The following ARMC7 variants were observed in gnomAD, a reference collection of about 807,000 sequenced individuals.
The protein encoded by ARMC7 is armadillo repeat containing 7, also known as armadillo repeat-containing protein 7.
A neutral mutation model predicts 14.8 loss-of-function variants in ARMC7; 9 were observed. The observed-to-expected ratio is 0.61, with a 90% CI of 0.37 to 1.06. The LOEUF (loss-of-function observed/expected upper bound fraction) is 1.06. Among genes scored for constraint, ARMC7 ranks in the 50% least tolerant of loss-of-function variants. The probability of loss-of-function intolerance (pLI) is 0.01; values close to 1 mark genes in which losing one functional copy is unlikely to be tolerated. For synonymous variants in ARMC7, 125 were observed against 123.4 expected (o/e 1.01, Z -0.09); for missense variants, 262 against 267.1 (o/e 0.98, Z 0.13).
Position 75,110,220 on chromosome 17 carries a change from C to A in ARMC7, c.-69C>A. 7.0e-7 allele frequency: 1 copy of A among 1,438,430 alleles called. No homozygotes were observed. Among genetic ancestry groups the A allele is most frequent in the South Asian group, 1.3e-5 (1 of 74,114 alleles). The allele number at this position is 1,438,430 out of a possible 1,614,324, so 89.1% of individuals were successfully genotyped here. A position where few individuals can be genotyped will look rare whatever the true frequency, so the allele number is the denominator to read the frequency against. On this transcript the variant is annotated 5_prime_UTR_variant, in exon 1 of 3. Coordinates refer to ENST00000245543, the MANE Select transcript of ARMC7 (RefSeq NM_024585.4). Reference sequence around the variant, plus strand: ...ACAGGTGGAGAGCGGGTGAGGGTCTCGCTCGGCTTTCCCCCTGCACCTTTC... The same window carrying A: ...ACAGGTGGAGAGCGGGTGAGGGTCTAGCTCGGCTTTCCCCCTGCACCTTTC...
chr17:75,129,005 A>G lies in ARMC7; in HGVS notation c.564A>G (p.Pro188=). ...SRQAHSALGI[P]LPRSVAPRQR is the part of the protein sequence containing the mutation. ...AGGCGCACTCTGCCCTGGGTATCCC[A>G]CTGCCGAGGAGCGTGGCCCCACGGC... The change falls in exon 3 of 3, where the codon CCA becomes CCG. Residue 188 remains proline (P), a synonymous_variant. Transcript: ENST00000245543. The G allele has an allele frequency of 6.3e-7, 1 of 1,599,628 alleles. No homozygotes were observed.
In ARMC7 at chr17:75,129,237, A is replaced by T; in HGVS notation, c.*199A>T. On this transcript the variant is annotated 3_prime_UTR_variant, in exon 3 of 3. Coordinates refer to ENST00000245543, the MANE Select transcript of ARMC7 (RefSeq NM_024585.4). The stretch of plus-strand genomic sequence containing the variant: ...AAGCCAGACTCCAGAGACACGGAGA[A>T]GATCAAACTGGAGCTGCGTTCATAG... 2.7e-6 allele frequency: 2 copies of T among 745,860 alleles called. No individual in the cohort carries two copies. Among genetic ancestry groups the T allele is most frequent in the Non-Finnish European group, 4.2e-6 (2 of 477,262 alleles). The allele number at this position is 745,860 out of a possible 1,614,324, so 46.2% of individuals were successfully genotyped here.
intron 2 of ARMC7, among the ~76,000 whole-genome samples, chr17:75,120,437 T>G (rs1407588058): frequency 6.6e-6 from 1 of 152,188 alleles, no homozygotes; most frequent in Non-Finnish European, 1.5e-5. Flanking sequence ...CCCTTGCTTC[T>G]TGTTTTCTCT....
At chr17:75,114,740 C>G (rs1161947457) in intron 2 of ARMC7, 1 of 398,388 alleles carries the variant, frequency 2.5e-6, no homozygotes, top group African/African-American at 2.1e-5. Flanking sequence ...AAGACCCCCC[C>G]GCCCCAAGCA....
chr17:75,111,007 C>G (rs1043673716), intron 2 of ARMC7, among the ~76,000 whole-genome samples: 3 of 150,992 alleles, frequency 2.0e-5, no homozygotes, highest in African/African-American at 7.3e-5. Context: ...ACCTGTAGGC[C>G]CAGCTACTCT....
In ARMC7 at chr17:75,110,131, A is replaced by G. The variant is rs575608536; in HGVS notation, c.-158A>G. On this transcript the variant is annotated 5_prime_UTR_variant, in exon 1 of 3. Transcript: ENST00000245543. ...TCTCCCATATCCCATTTCCAGCTGC[A>G]AATTACTGCAGAATCTGAACCCAGG... The G allele has an allele frequency of 2.5e-4, 171 of 674,446 alleles. No individual in the cohort carries two copies. In the East Asian group the frequency reaches 4.5e-3, roughly 18 times the overall value. The allele number at this position is 674,446 out of a possible 1,614,324, so 41.8% of individuals were successfully genotyped here.
intron 2 of ARMC7, among the ~76,000 whole-genome samples, chr17:75,122,208 C>T (rs190990297): frequency 7.3e-5 from 11 of 151,720 alleles, no homozygotes; most frequent in South Asian, 2.1e-4. Context: ...TGTTGACGGG[C>T]GCCTGTAATC....
Position 75,110,506 on chromosome 17 carries a change from T to C in ARMC7, c.135T>C (p.Tyr45=), listed in dbSNP as rs142818470. 1 of 1,613,962 alleles carries C rather than the reference T, an allele frequency of 6.2e-7. No homozygotes were observed. The highest frequency in any genetic ancestry group is 1.3e-5 in the African/African-American group (1 of 74,956). ...TCGCCAACCTCGCCAACTTCGCTTA[T>C]GACCCCAGCAACTACGAGTATCTGC... ...QVLANLANFA[Y]DPSNYEYLRQ... is the part of the protein sequence containing the mutation. The change falls in exon 2 of 3, where the codon TAT becomes TAC. Residue 45 remains tyrosine (Y), a synonymous_variant. Transcript: ENST00000245543.
intron 2 of ARMC7, among the ~76,000 whole-genome samples, chr17:75,125,082 G>C (rs1245075391): frequency 6.6e-6 from 1 of 152,212 alleles, no homozygotes; most frequent in African/African-American, 2.4e-5. Flanking sequence ...CTCTGCTGCT[G>C]CTACTCTTTC....
At chr17:75,122,723 C>T (rs1371038502) in intron 2 of ARMC7, among the ~76,000 whole-genome samples, 1 of 152,086 alleles carries the variant, frequency 6.6e-6, no homozygotes, top group African/African-American at 2.4e-5. Context: ...TTATTAAACA[C>T]CTGCTAATGC....
chr17:75,116,842 G>C (rs1463632596), intron 2 of ARMC7, among the ~76,000 whole-genome samples: 1 of 152,204 alleles, frequency 6.6e-6, no homozygotes, highest in African/African-American at 2.4e-5. Context: ...AGGCCAGGAT[G>C]AGAATGCAGG....
chr17:75,117,266 G>A (rs762129507), intron 2 of ARMC7, among the ~76,000 whole-genome samples: 54 of 152,126 alleles, frequency 3.5e-4, no homozygotes, highest in East Asian at 1.9e-4. Context: ...TAGTAGAGAC[G>A]GGGTTTCGAC....
intron 2 of ARMC7, among the ~76,000 whole-genome samples, chr17:75,115,651 G>A (rs1163481845): frequency 6.6e-6 from 1 of 152,126 alleles, no homozygotes; most frequent in Non-Finnish European, 1.5e-5. Context: ...GAGCCCCCAG[G>A]AGGTCAAGAG....
chr17:75,122,034 T>TA (rs1204590983), intron 2 of ARMC7, among the ~76,000 whole-genome samples: 1 of 152,002 alleles, frequency 6.6e-6, no homozygotes, highest in African/African-American at 2.4e-5. Context: ...ATTCAGCTTT[T>TA]AAAAAAGAAT....
chr17:75,119,711 C>T lies in ARMC7; in HGVS notation c.236-8966C>T, dbSNP rs117252453. The stretch of plus-strand genomic sequence containing the variant: ...TCCTGACCTTGTGATCCGCCTGCCT[C>T]GGCCCTCTCAAAGTGCTAGGATTAC... On this transcript the variant is annotated intron_variant, in intron 2 of 2. Coordinates refer to ENST00000245543, the MANE Select transcript of ARMC7 (RefSeq NM_024585.4). Among the ~76,000 whole-genome samples, 898 of 151,734 alleles carry T rather than the reference C, an allele frequency of 5.9e-3. 34 individuals carry two copies. The East Asian group carries it at 0.076, about 13-fold the overall frequency.
rs1057440038 is a variant in ARMC7 at position 75,129,196 on chromosome 17, G to A, written c.*158G>A. The A allele has an allele frequency of 7.7e-6, 8 of 1,042,052 alleles. No homozygotes were observed. Among genetic ancestry groups the A allele is most frequent in the Admixed American group, 5.9e-5 (2 of 33,904 alleles). The allele number at this position is 1,042,052 out of a possible 1,614,324, so 64.6% of individuals were successfully genotyped here. A position where few individuals can be genotyped will look rare whatever the true frequency, so the allele number is the denominator to read the frequency against. ...GGACAGGCATTTACACTGATGAAACGCCACTGGGAGTGAGGAAGCCAGACT... is the reference window on the plus strand; with the variant it reads ...GGACAGGCATTTACACTGATGAAACACCACTGGGAGTGAGGAAGCCAGACT... On this transcript the variant is annotated 3_prime_UTR_variant, in exon 3 of 3. Coordinates refer to ENST00000245543, the MANE Select transcript of ARMC7 (RefSeq NM_024585.4).
chr17:75,128,767 G>T lies in ARMC7; in HGVS notation c.326G>T (p.Ser109Ile). 6.2e-7 allele frequency: 1 copy of T among 1,613,560 alleles called. No individual in the cohort carries two copies. Among genetic ancestry groups the T allele is most frequent in the South Asian group, 1.1e-5 (1 of 91,090 alleles). The stretch of plus-strand genomic sequence containing the variant: ...CCACTCATCATCAACTGCCTATCCA[G>T]CCCCAATGAGGAGACGGTGCTGTCT... ...GVPLIINCLS[S>I]PNEETVLSAI... Residue 109 changes from serine to isoleucine, a missense_variant, in exon 3 of 3, where the codon AGC (serine) becomes ATC (isoleucine). Coordinates refer to ENST00000245543, the MANE Select transcript of ARMC7 (RefSeq NM_024585.4).
chr17:75,127,151 A>G (rs935636554), intron 2 of ARMC7, among the ~76,000 whole-genome samples: 1 of 151,738 alleles, frequency 6.6e-6, no homozygotes, highest in Non-Finnish European at 1.5e-5. Flanking sequence ...AGGCAGAAGG[A>G]TGGCTTAAAG....
At chr17:75,124,060 G>A (rs921774359) in intron 2 of ARMC7, among the ~76,000 whole-genome samples, 3 of 152,158 alleles carry the variant, frequency 2.0e-5, no homozygotes, top group African/African-American at 4.8e-5. Context: ...GTTCACACAG[G>A]TAGACCCAGG....
Sources: gnomAD v4.1 joint callset for allele counts (sites outside exome capture counted in the v4.1 genomes callset) on GRCh38, gnomAD v4.1.1 for gene constraint, MANE v1.5 for transcripts, NCBI Gene and HGNC (gene_info 2026-07-23, HGNC 2026-07-21) for gene names.